PCDHGB4: variants seen among roughly 807,000 people sequenced by gnomAD.
PCDHGB4 encodes the protein protocadherin gamma-B4.
PCDHGB4 carries 38 observed loss-of-function variants against 60.5 expected under a neutral mutation model. The observed-to-expected ratio is 0.63, with a 90% CI of 0.48 to 0.82. The LOEUF is 0.82. PCDHGB4 is among the 40% of genes least tolerant of loss of function. The probability of loss-of-function intolerance (pLI) is 0.00; values close to 1 mark genes in which losing one functional copy is unlikely to be tolerated. For missense variants in PCDHGB4, 1,109 were observed against 1,209.6 expected (o/e 0.92, Z 1.23); for synonymous variants, 456 against 509.7 (o/e 0.89, Z 1.42).
chr5:141,476,714 C>A lies in PCDHGB4; in HGVS notation c.2398-18093C>A, dbSNP rs146188020. 1 of 1,614,154 alleles carries A rather than the reference C, an allele frequency of 6.2e-7. No homozygotes were observed. The highest frequency in any genetic ancestry group is 1.1e-5 in the South Asian group (1 of 91,078). ...CAAGTACGCGGAGCTGGTGTTGGAG[C>A]GCGCCCTGGACCGAGAACGGGAGCC... On this transcript the variant is annotated intron_variant, in intron 1 of 3. Transcript: ENST00000519479. This position sits in a 1 kb window ranked among gnomAD's most constrained non-coding sequence, Gnocchi z 7.6.
Position 141,427,553 on chromosome 5 carries a change from TG to T in PCDHGB4, c.2397+37273del, listed in dbSNP as rs201716174. ...AGTACAACGTCACCATCACTGCCAC[TG>T]ACAAGGGCAAGCCTCCGCTCTCATC... On this transcript the variant is annotated intron_variant, in intron 1 of 3. Transcript: ENST00000519479. 2.7e-3 allele frequency: 1,760 copies of T among 646,124 alleles called. 23 individuals are homozygous for T. In the African/African-American group the frequency reaches 0.028, roughly 10 times the overall value. 40.0% of individuals were successfully genotyped at this position (646,124 alleles called of 1,614,324 possible).
chr5:141,487,824 C>A lies in PCDHGB4; in HGVS notation c.2398-6983C>A. The stretch of plus-strand genomic sequence containing the variant: ...TCACAGTTTAGCATTGGGGGCGGGT[C>A]ATGCCTATATCTGAGTAAGAAATGA... On this transcript the variant is annotated intron_variant, in intron 1 of 3. Coordinates refer to ENST00000519479, the MANE Select transcript of PCDHGB4 (RefSeq NM_003736.4). This position sits in a 1 kb window ranked among gnomAD's most constrained non-coding sequence, Gnocchi z 5.0. 2 of 1,247,252 alleles carry A rather than the reference C, an allele frequency of 1.6e-6. No individual in the cohort carries two copies. The highest frequency in any genetic ancestry group is 2.9e-5 in the South Asian group (2 of 68,154). The allele number at this position is 1,247,252 out of a possible 1,614,324, so 77.3% of individuals were successfully genotyped here. A position where few individuals can be genotyped will look rare whatever the true frequency, so the allele number is the denominator to read the frequency against.
intron 1 of PCDHGB4, chr5:141,418,610 C>T: frequency 6.2e-7 from 1 of 1,614,054 alleles, no homozygotes; most frequent in Non-Finnish European, 8.5e-7. Context: ...CAGGGTTAGC[C>T]TTCGGGAAGA....
At chr5:141,416,993 C>T (rs1230909560) in intron 1 of PCDHGB4, 1 of 151,494 alleles carries the variant, frequency 6.6e-6, no homozygotes, top group Non-Finnish European at 1.5e-5. Context: ...ATTGTGCATT[C>T]ATCTCAAATA....
At position 141,399,956 on chromosome 5, in the gene PCDHGB4, C is replaced by T. The variant is rs760477759; in HGVS notation, c.2397+9675C>T. On this transcript the variant is annotated intron_variant, in intron 1 of 3. Coordinates refer to ENST00000519479, the MANE Select transcript of PCDHGB4 (RefSeq NM_003736.4). ...TACCACGTGCTGCAGGCTAGCGAGC[C>T]CGGGCTCTTCAGCCTGGGGCTGCGC... is the stretch of plus-strand genomic sequence containing the variant. 106 of 1,612,048 alleles carry T rather than the reference C, an allele frequency of 6.6e-5. No homozygotes were observed. Among genetic ancestry groups the T allele is most frequent in the Middle Eastern group, 1.9e-4 (1 of 5,240 alleles).
At position 141,489,295 on chromosome 5, in the gene PCDHGB4, T is replaced by C. The variant is rs2099685128; in HGVS notation, c.2398-5512T>C. 1.3e-6 allele frequency: 2 copies of C among 1,581,054 alleles called. No individual in the cohort carries two copies. The highest frequency in any genetic ancestry group is 1.7e-5 in the Admixed American group (1 of 57,148). ...TGGGAAATGGCAAGTGCTGTGCATG[T>C]TGTCCTTGTGCTGCTGGGGCTGGGT... On this transcript the variant is annotated intron_variant, in intron 1 of 3. Transcript: ENST00000519479. The surrounding 1 kb of genome is among the most constrained non-coding windows in gnomAD (Gnocchi z 4.5).
chr5:141,459,302 A>G (rs1401348885), intron 1 of PCDHGB4, among the ~76,000 whole-genome samples: 1 of 152,328 alleles, frequency 6.6e-6, no homozygotes, highest in Admixed American at 6.5e-5. Context: ...CCTATAACAT[A>G]TACTATTTTG....
intron 1 of PCDHGB4, among the ~76,000 whole-genome samples, chr5:141,459,838 A>C (rs944807247): frequency 1.3e-5 from 2 of 152,098 alleles, no homozygotes; most frequent in African/African-American, 4.8e-5. Context: ...TGTGTTGTCT[A>C]TTTGTATATC....
chr5:141,489,085 G>A lies in PCDHGB4; in HGVS notation c.2398-5722G>A, dbSNP rs1347512723. The A allele has an allele frequency of 2.6e-5, 6 of 230,066 alleles. No homozygotes were observed. The South Asian group carries it at 4.3e-4, about 16-fold the overall frequency. 14.3% of individuals were successfully genotyped at this position (230,066 alleles called of 1,614,324 possible). A position where few individuals can be genotyped will look rare whatever the true frequency, so the allele number is the denominator to read the frequency against. Reference sequence around the variant, plus strand: ...TCCCCCCTGCCCACCCCCGCCACTCGGTGACTAAGAACTGCTGCAAGCAGG... The same window carrying A: ...TCCCCCCTGCCCACCCCCGCCACTCAGTGACTAAGAACTGCTGCAAGCAGG... On this transcript the variant is annotated intron_variant, in intron 1 of 3. Coordinates refer to ENST00000519479, the MANE Select transcript of PCDHGB4 (RefSeq NM_003736.4). The surrounding 1 kb of genome is among the most constrained non-coding windows in gnomAD (Gnocchi z 4.5).
intron 1 of PCDHGB4, chr5:141,392,568 T>G: frequency 2.3e-6 from 1 of 442,486 alleles, no homozygotes; most frequent in South Asian, 4.4e-5. Flanking sequence ...CAGTAACTAT[T>G]TAGGACTGTA....
In PCDHGB4 at chr5:141,389,603, C is replaced by T. The variant is rs1166074538; in HGVS notation, c.1719C>T (p.Phe573=). The T allele has an allele frequency of 1.2e-6, 2 of 1,613,148 alleles. No homozygotes were observed. The highest frequency in any genetic ancestry group is 1.7e-5 in the Admixed American group (1 of 60,032). ...TGGGTCCCGACGGCTCTGCGCTCTT[C>T]GATATGGTGCCGCACGCTGCAGAGC... The part of the protein sequence containing the change: ...PALGPDGSAL[F]DMVPHAAEPG... The change falls in exon 1 of 4, where the codon TTC becomes TTT. Residue 573 remains phenylalanine, a synonymous_variant. Transcript: ENST00000519479.
intron 1 of PCDHGB4, chr5:141,415,060 G>C (rs1428839232): frequency 1.2e-6 from 2 of 1,613,426 alleles, no homozygotes; most frequent in Admixed American, 1.7e-5. Flanking sequence ...GCACACGGGC[G>C]AGGTGCGCAC....
Position 141,390,115 on chromosome 5 carries a change from G to A in PCDHGB4, c.2231G>A (p.Gly744Glu). Residue 744 changes from glycine (G) to glutamate (E), a missense_variant, in exon 1 of 4, where the codon GGG (glycine) becomes GAG (glutamate). Physicochemically the swap from Gly to Glu is moderately conservative, Grantham distance 98. Around this residue, in one of 2 missense-constraint regions of PCDHGB4, gnomAD observed 1,068 missense variants for 1,089.9 expected, o/e 0.98. Coordinates refer to ENST00000519479, the MANE Select transcript of PCDHGB4 (RefSeq NM_003736.4). ...ESVVPPNYSE[G>E]TLPYSYNLCV... ...GTGGTTCCCCCCAACTACAGCGAGG[G>A]GACTTTGCCTTATTCCTACAATCTA... 2 of 1,614,036 alleles carry A rather than the reference G, an allele frequency of 1.2e-6. No individual in the cohort carries two copies. The highest frequency in any genetic ancestry group is 1.7e-6 in the Non-Finnish European group (2 of 1,179,894).
chr5:141,390,214 T>G lies in PCDHGB4; in HGVS notation c.2330T>G (p.Ile777Arg). The G allele has an allele frequency of 6.2e-7, 1 of 1,614,064 alleles. No homozygotes were observed. The highest frequency in any genetic ancestry group is 8.5e-7 in the Non-Finnish European group (1 of 1,179,900). ...GAGCAGTTGAGTTCAGGACAAGACA[T>G]ACTTTGCGGTGATTCATCTGGGGCC... ...CSEQLSSGQD[I>R]LCGDSSGALF... is the part of the protein sequence containing the mutation. Residue 777 changes from isoleucine (I) to arginine (R), a missense_variant, in exon 1 of 4, where the codon ATA becomes AGA. Transcript: ENST00000519479.
intron 1 of PCDHGB4, chr5:141,399,277 G>T: frequency 6.2e-7 from 1 of 1,613,890 alleles, no homozygotes; most frequent in Non-Finnish European, 8.5e-7. Flanking sequence ...TCAATTACAA[G>T]GCGAAGTCCC....
At chr5:141,428,120 C>A in intron 1 of PCDHGB4, 1 of 1,606,526 alleles carries the variant, frequency 6.2e-7, no homozygotes, top group Non-Finnish European at 8.5e-7. Flanking sequence ...CCATCGAGCC[C>A]GGGCTTTTCA....
intron 1 of PCDHGB4, chr5:141,478,917 T>A: frequency 1.3e-6 from 1 of 772,666 alleles, no homozygotes; most frequent in Middle Eastern, 3.9e-4. Flanking sequence ...TGGATACCTC[T>A]AACCAGTGGC....
chr5:141,450,253 A>G (rs1025385837), intron 1 of PCDHGB4, among the ~76,000 whole-genome samples: 1 of 152,020 alleles, frequency 6.6e-6, no homozygotes, highest in African/African-American at 2.4e-5. Flanking sequence ...CCTGACCTCA[A>G]GTGATCTGCC....
chr5:141,472,045 TA>T (rs1227282207), intron 1 of PCDHGB4, among the ~76,000 whole-genome samples: 3 of 152,170 alleles, frequency 2.0e-5, no homozygotes, highest in Non-Finnish European at 4.4e-5. Flanking sequence ...GAAAAGATTT[TA>T]AAAATGATTG....
Sources: gnomAD v4.1 joint callset for allele counts (sites outside exome capture counted in the v4.1 genomes callset) on GRCh38, gnomAD v4.1.1 for gene constraint, gnomAD v4.1.1 regional missense constraint, Gnocchi (gnomAD v3.1) non-coding constraint, MANE v1.5 for transcripts, NCBI Gene and HGNC (gene_info 2026-07-23, HGNC 2026-07-21) for gene names.